The following TMEM94 variants were observed in gnomAD, a reference collection of about 807,000 sequenced individuals.
The protein encoded by TMEM94 is ER Mg2+ ATPase.
In TMEM94, 81 loss-of-function variants were observed where a neutral mutation model predicts 158.6. That is an observed-to-expected ratio of 0.51 (90% CI 0.43 to 0.61). The LOEUF is 0.61. TMEM94 is among the 20% of genes least tolerant of loss of function. The pLI is 0.00. For missense variants in TMEM94, 1,435 were observed against 1,762.0 expected, an observed-to-expected ratio of 0.81 and a Z score of 3.32; for synonymous variants, 751 against 730.7, an observed-to-expected ratio of 1.03 and a Z score of -0.45.
chr17:75,478,329 TAAAAAAAAAAAAA>T, intron 2 of TMEM94, among the ~76,000 whole-genome samples: 1 of 97,530 alleles, frequency 1.0e-5, no homozygotes, highest in Non-Finnish European at 2.1e-5. Flanking sequence ...GACTCCATCT[TAAAAAAAAAAAAA>T]AAAAAAAGAA....
intron 1 of TMEM94, among the ~76,000 whole-genome samples, chr17:75,463,416 T>G (rs1172641590): frequency 6.6e-6 from 1 of 151,804 alleles, no homozygotes; most frequent in Non-Finnish European, 1.5e-5. Flanking sequence ...TCTTAGTTTC[T>G]CCAACCTGGT....
chr17:75,493,179 C>T, intron 16 of TMEM94, 77 bp downstream of exon 16: 1 of 1,459,116 alleles, frequency 6.9e-7, no homozygotes, highest in Non-Finnish European at 9.3e-7. Context: ...CAGCCCCACC[C>T]ATTGCTAGGG....
chr17:75,497,010 T>A (rs2052760088), intron 25 of TMEM94, 103 bp from the exon 26 acceptor site: 13 of 1,110,442 alleles, frequency 1.2e-5, no homozygotes, highest in African/African-American at 3.1e-5. Flanking sequence ...TCTGGCAGGA[T>A]GTGAGCATCT....
At position 75,489,380 on chromosome 17, in the gene TMEM94, G is replaced by C. The variant is rs148322850; in HGVS notation, c.867+12G>C. Reference sequence around the variant, plus strand: ...TGCCCGTGGTCCTGGTGCGTGTGGCGGGGCTGTGCGGGGCTGCATGGGGCA... The same window carrying C: ...TGCCCGTGGTCCTGGTGCGTGTGGCCGGGCTGTGCGGGGCTGCATGGGGCA... On this transcript the variant is annotated intron_variant, in intron 8 of 31. Coordinates refer to ENST00000314256, the MANE Select transcript of TMEM94 (RefSeq NM_014738.6). This position sits in a 1 kb window ranked among gnomAD's most constrained non-coding sequence, Gnocchi z 5.0. 5 of 1,609,862 alleles carry C rather than the reference G, an allele frequency of 3.1e-6. No homozygotes were observed. In the South Asian group the frequency reaches 5.5e-5, roughly 18 times the overall value.
rs781490894 is a variant in TMEM94, at chr17:75,485,583, G to A, written c.144+36G>A. The stretch of plus-strand genomic sequence containing the variant: ...TTCTCGGGGCTACCAGGGCCTGGCT[G>A]GGATGGCAGGGAAGTGTGGGAGGCC... On this transcript the variant is annotated intron_variant, in intron 3 of 31. Transcript: ENST00000314256. This position sits in a 1 kb window ranked among gnomAD's most constrained non-coding sequence, Gnocchi z 5.5. 1.2e-6 allele frequency: 2 copies of A among 1,613,538 alleles called. No homozygotes were observed. Among genetic ancestry groups the A allele is most frequent in the Non-Finnish European group, 1.7e-6 (2 of 1,179,534 alleles).
intron 1 of TMEM94, among the ~76,000 whole-genome samples, chr17:75,469,085 G>A (rs185356883): frequency 5.9e-5 from 9 of 152,170 alleles, no homozygotes; most frequent in Admixed American, 5.9e-4. Flanking sequence ...CGCTTTTGTC[G>A]GACCTGTTGT....
chr17:75,493,447 G>T, intron 16 of TMEM94, 44 bp from the exon 17 acceptor site: 2 of 1,585,746 alleles, frequency 1.3e-6, no homozygotes, highest in South Asian at 2.2e-5. Context: ...GTCAGCGTGA[G>T]GGGGCTGGTT....
Position 75,483,826 on chromosome 17 carries a change from G to A in TMEM94, c.25-1602G>A, listed in dbSNP as rs1343871512. On this transcript the variant is annotated intron_variant, in intron 2 of 31. Transcript: ENST00000314256. ...GCAGCTGTAGGCCCGTTCAGCAGAC[G>A]GGTCCACATTCAGGGTAGCGGTCAG... Among the ~76,000 whole-genome samples the A allele has an allele frequency of 2.0e-5, 3 of 152,106 alleles. No individual in the cohort carries two copies. The East Asian group carries it at 5.8e-4, about 29-fold the overall frequency.
At chr17:75,470,704 CAAA>C (rs1210801967) in intron 1 of TMEM94, among the ~76,000 whole-genome samples, 1 of 117,488 alleles carries the variant, frequency 8.5e-6, no homozygotes. Context: ...GACTCTGTCT[CAAA>C]AAAAAAAAAA....
At chr17:75,468,616 G>T (rs1311480464) in intron 1 of TMEM94, among the ~76,000 whole-genome samples, 1 of 152,194 alleles carries the variant, frequency 6.6e-6, no homozygotes, top group Non-Finnish European at 1.5e-5. Context: ...CAGCGTCACT[G>T]TCTGTATCTG....
Position 75,499,289 on chromosome 17 carries a change from G to A in TMEM94, c.4026G>A (p.Gln1342=). The part of the protein sequence containing the change: ...IRVRVRYQKR[Q]KLQFETKLGM... ...TCCGAGTCCGCTACCAGAAGCGACA[G>A]AAGCTGCAGTTTGAAACTAAGCTGG... The change falls in exon 32 of 32, where the codon CAG becomes CAA. Residue 1342 remains glutamine (Q), a synonymous_variant. Coordinates refer to ENST00000314256, the MANE Select transcript of TMEM94 (RefSeq NM_014738.6). 6.2e-7 allele frequency: 1 copy of A among 1,613,736 alleles called. No homozygotes were observed. The highest frequency in any genetic ancestry group is 8.5e-7 in the Non-Finnish European group (1 of 1,179,982).
At position 75,493,873 on chromosome 17, in the gene TMEM94, C is replaced by G. The variant is rs1042956985; in HGVS notation, c.2364C>G (p.Ile788Met). 4.3e-6 allele frequency: 7 copies of G among 1,612,468 alleles called. No individual in the cohort carries two copies. The African/African-American group carries it at 5.3e-5, about 12-fold the overall frequency. Residue 788 changes from isoleucine (I) to methionine (M), a missense_variant, in exon 18 of 32, where the codon ATC (isoleucine) becomes ATG (methionine). This residue lies in a region of TMEM94 where 1,051 missense variants were observed against 1,254.4 expected (regional missense o/e 0.84). Coordinates refer to ENST00000314256, the MANE Select transcript of TMEM94 (RefSeq NM_014738.6). ...CCATGTGCGAGCTGCCCAGCACCAT[C>G]CCCATCAAGCAGAACGCCCGCCGCA... ...IFTMCELPST[I>M]PIKQNARRSS...
chr17:75,463,093 C>CTGT (rs2050154300), intron 1 of TMEM94, among the ~76,000 whole-genome samples: 1 of 8,632 alleles, frequency 1.2e-4, no homozygotes, highest in African/African-American at 1.9e-3. Context: ...CACACACACA[C>CTGT]ATATATATGT....
intron 24 of TMEM94, 94 bp downstream of exon 24, chr17:75,496,565 T>C: frequency 6.8e-7 from 1 of 1,459,936 alleles, no homozygotes; most frequent in Non-Finnish European, 9.5e-7. Context: ...CCCGGGGACC[T>C]CATTCCCCAG....
At chr17:75,486,070 C>A in intron 4 of TMEM94, 72 bp downstream of exon 4, 1 of 1,510,532 alleles carries the variant, frequency 6.6e-7, no homozygotes, top group Non-Finnish European at 8.8e-7. Flanking sequence ...CTGGGACAGA[C>A]CAGGGCTCTT....
chr17:75,488,797 C>A lies in TMEM94; in HGVS notation c.651C>A (p.Phe217Leu). The change falls in exon 7 of 32, where the codon TTC (phenylalanine) becomes TTA (leucine). Residue 217 changes from phenylalanine to leucine, a missense_variant. Phe to Leu is a conservative substitution (Grantham distance 22, BLOSUM62 0). This residue lies in a region of TMEM94 where 1,051 missense variants were observed against 1,254.4 expected (regional missense o/e 0.84). Coordinates refer to ENST00000314256, the MANE Select transcript of TMEM94 (RefSeq NM_014738.6). ...EHIVLEPGDL[F>L]PPFSPPPSPR... Reference sequence around the variant, plus strand: ...TCGTCCTGGAGCCGGGAGACCTCTTCCCCCCCTTCTCCCCTCCACCCTCAC... The same window carrying A: ...TCGTCCTGGAGCCGGGAGACCTCTTACCCCCCTTCTCCCCTCCACCCTCAC... 1 of 1,613,032 alleles carries A rather than the reference C, an allele frequency of 6.2e-7. No homozygotes were observed. Among genetic ancestry groups the A allele is most frequent in the Non-Finnish European group, 8.5e-7 (1 of 1,179,442 alleles).
chr17:75,487,891 C>T lies in TMEM94; in HGVS notation c.410-41C>T, dbSNP rs753837219. ...GCTGTATCTGACTGGGGGGCAGGGCCGTGGCTGAGAGGGTTGTTTCCCTCT... is the reference window on the plus strand; with the variant it reads ...GCTGTATCTGACTGGGGGGCAGGGCTGTGGCTGAGAGGGTTGTTTCCCTCT... On this transcript the variant is annotated intron_variant, in intron 5 of 31. Transcript: ENST00000314256. The surrounding 1 kb of genome is among the most constrained non-coding windows in gnomAD (Gnocchi z 4.6). The T allele has an allele frequency of 3.5e-5, 55 of 1,549,352 alleles. No homozygotes were observed. The highest frequency in any genetic ancestry group is 1.0e-4 in the Admixed American group (6 of 59,476).
chr17:75,463,977 C>T (rs758368555), intron 1 of TMEM94, among the ~76,000 whole-genome samples: 4 of 152,170 alleles, frequency 2.6e-5, no homozygotes, highest in African/African-American at 4.8e-5. Context: ...TCCACCTAAC[C>T]GCATTTTTGG....
chr17:75,495,740 T>G lies in TMEM94; in HGVS notation c.2944+97T>G. The stretch of plus-strand genomic sequence containing the variant: ...CCGTGGGCTCTGGAGGGATGTAGGT[T>G]TCCCATGCAGGGAGTAAAGGAACCT... On this transcript the variant is annotated intron_variant, in intron 22 of 31. Coordinates refer to ENST00000314256, the MANE Select transcript of TMEM94 (RefSeq NM_014738.6). The surrounding 1 kb of genome is among the most constrained non-coding windows in gnomAD (Gnocchi z 5.6). The G allele has an allele frequency of 8.2e-7, 1 of 1,218,878 alleles. No homozygotes were observed. The highest frequency in any genetic ancestry group is 1.2e-6 in the Non-Finnish European group (1 of 840,886). The allele number at this position is 1,218,878 out of a possible 1,614,324, so 75.5% of individuals were successfully genotyped here. A position where few individuals can be genotyped will look rare whatever the true frequency, so the allele number is the denominator to read the frequency against.
Sources: allele counts gnomAD v4.1 joint callset (sites outside exome capture counted in the v4.1 genomes callset), GRCh38; gene constraint gnomAD v4.1.1; regional missense constraint gnomAD v4.1.1; non-coding constraint Gnocchi (gnomAD v3.1); transcripts MANE v1.5; gene names NCBI Gene and HGNC (gene_info 2026-07-23, HGNC 2026-07-21).